Variants in BPIFB1 observed in about 807,000 individuals in gnomAD.
BPIFB1 encodes BPI fold-containing family B member 1.
BPIFB1 carries 34 observed loss-of-function variants against 55.1 expected under a neutral mutation model. That is an observed-to-expected ratio of 0.62 (90% CI 0.47 to 0.82). BPIFB1 has a LOEUF of 0.82. BPIFB1 is among the 40% of genes least tolerant of loss of function. The pLI is 0.00. For missense variants in BPIFB1, 532 were observed against 593.1 expected, an observed-to-expected ratio of 0.90 and a Z score of 1.07; for synonymous variants, 236 against 245.3, an observed-to-expected ratio of 0.96 and a Z score of 0.35.
At position 33,291,023 on chromosome 20, in the gene BPIFB1, C is replaced by T. The variant is rs1980452247; in HGVS notation, c.432C>T (p.Asp144=). 9 of 1,613,842 alleles carry T rather than the reference C, an allele frequency of 5.6e-6. No homozygotes were observed. Among genetic ancestry groups the T allele is most frequent in the Non-Finnish European group, 7.6e-6 (9 of 1,180,044 alleles). ...TTEAQATIRM[D]TSASGPTRLV... ...AGGCCCAAGCCACCATCCGCATGGACACCAGTGCAAGTGGCCCCACCCGCC... is the reference window on the plus strand; with the variant it reads ...AGGCCCAAGCCACCATCCGCATGGATACCAGTGCAAGTGGCCCCACCCGCC... Residue 144 remains aspartate (D), a synonymous_variant, in exon 5 of 16, where the codon GAC becomes GAT. Transcript: ENST00000253354.
At position 33,309,275 on chromosome 20, in the gene BPIFB1, C is replaced by A. The variant is rs1173416111; in HGVS notation, c.1396-433C>A. On this transcript the variant is annotated intron_variant, in intron 15 of 15. Coordinates refer to ENST00000253354, the MANE Select transcript of BPIFB1 (RefSeq NM_033197.3). The surrounding 1 kb of genome is among the most constrained non-coding windows in gnomAD (Gnocchi z 4.4). ...ACTTCAAGAAGGCAGGGGTTTCTGT[C>A]TGCTTTGTTCTCTGTTGTGATCAGT... Among the ~76,000 whole-genome samples, 15 of 152,168 alleles carry A rather than the reference C, an allele frequency of 9.9e-5. No homozygotes were observed. Among genetic ancestry groups the A allele is most frequent in the Admixed American group, 7.2e-4 (11 of 15,276 alleles).
Position 33,306,931 on chromosome 20 carries a change from C to G in BPIFB1, c.1339C>G (p.Pro447Ala), listed in dbSNP as rs1981048329. Residue 447 changes from proline (P) to alanine (A), a missense_variant, in exon 15 of 16, where the codon CCA becomes GCA. By Grantham distance (27) the Pro-to-Ala change is conservative. Transcript: ENST00000253354. Reference protein sequence around the residue: ...NQNGKLRSGVPVSLVKALGFE... With the variant: ...NQNGKLRSGVAVSLVKALGFE... ...TTCAGGCAAATTAAGATCTGGGGTCCCAGTGTCATTGGTGAAGGCCTTGGG... is the reference window on the plus strand; with the variant it reads ...TTCAGGCAAATTAAGATCTGGGGTCGCAGTGTCATTGGTGAAGGCCTTGGG... 6.2e-7 allele frequency: 1 copy of G among 1,614,088 alleles called. No individual in the cohort carries two copies.
At chr20:33,283,820 T>C (rs1980178912) in intron 1 of BPIFB1, among the ~76,000 whole-genome samples, 1 of 151,910 alleles carries the variant, frequency 6.6e-6, no homozygotes, top group Non-Finnish European at 1.5e-5. Flanking sequence ...GGTGCCTGGA[T>C]CTGGGGGAGG....
chr20:33,302,000 C>T (rs966136851), intron 9 of BPIFB1, among the ~76,000 whole-genome samples: 1 of 152,130 alleles, frequency 6.6e-6, no homozygotes, highest in Non-Finnish European at 1.5e-5. Flanking sequence ...GACAGACAAC[C>T]AATAACCAAG....
Position 33,297,502 on chromosome 20 carries a change from G to A in BPIFB1, c.598-23G>A, listed in dbSNP as rs747297380. On this transcript the variant is annotated intron_variant, in intron 6 of 15. Transcript: ENST00000253354. ...TGCATTCTGGCCCCTCCCTGATGGA[G>A]CCCCTTGCTTATGCTGTTGCAGCTG... 15 of 1,614,004 alleles carry A rather than the reference G, an allele frequency of 9.3e-6. 2 individuals are homozygous for A. The highest frequency in any genetic ancestry group is 2.2e-5 in the East Asian group (1 of 44,886).
intron 11 of BPIFB1, 62 bp downstream of exon 11, chr20:33,303,136 G>T: frequency 6.3e-7 from 1 of 1,589,518 alleles, no homozygotes; most frequent in Non-Finnish European, 8.6e-7. Context: ...TACTTTTCCT[G>T]TTCGCCCTCT....
chr20:33,303,223 A>G (rs887606282), intron 11 of BPIFB1, 149 bp downstream of exon 11: 1 of 978,904 alleles, frequency 1.0e-6, no homozygotes, highest in Non-Finnish European at 1.5e-6. Flanking sequence ...AAGAGCCAGG[A>G]GCTTTGTGGG....
At chr20:33,295,322 T>C (rs1370888821) in intron 6 of BPIFB1, among the ~76,000 whole-genome samples, 1 of 150,258 alleles carries the variant, frequency 6.7e-6, no homozygotes, top group African/African-American at 2.5e-5. Context: ...AAAATCTAGC[T>C]AGGCTGGTCG....
At chr20:33,288,670 G>A in intron 2 of BPIFB1, 71 bp from the exon 3 acceptor site, 1 of 1,566,304 alleles carries the variant, frequency 6.4e-7, no homozygotes. Flanking sequence ...CCCCTCCCCA[G>A]CCTGGAGCTC....
In BPIFB1 at chr20:33,302,377, C is replaced by A. The variant is rs952016082; in HGVS notation, c.946C>A (p.Arg316=). 1.6e-5 allele frequency: 26 copies of A among 1,613,790 alleles called. No individual in the cohort carries two copies. Among genetic ancestry groups the A allele is most frequent in the African/African-American group, 2.7e-5 (2 of 74,848 alleles). ...LDSVLPESAH[R]LKSSIGLINE... ...CCCTCAGCTTCCTGAGAGTGCCCAT[C>A]GGCTGAAGTCAAGCATCGGGCTGAT... The change falls in exon 10 of 16, where the codon CGG becomes AGG. Residue 316 remains arginine (R), a synonymous_variant. Transcript: ENST00000253354.
chr20:33,302,999 C>T lies in BPIFB1; in HGVS notation c.1065C>T (p.Ala355=), dbSNP rs1357036360. The T allele has an allele frequency of 1.2e-6, 2 of 1,614,156 alleles. No individual in the cohort carries two copies. Among genetic ancestry groups the T allele is most frequent in the South Asian group, 1.1e-5 (1 of 91,092 alleles). ...TPEFFIDQGH[A]KVAQLIVLEV... ...AGTTTTTTATAGACCAAGGCCATGC[C>T]AAGGTGGCCCAACTGATCGTGCTGG... Residue 355 remains alanine (A), a synonymous_variant, in exon 11 of 16, where the codon GCC becomes GCT. Transcript: ENST00000253354.
chr20:33,285,557 C>CAA (rs368094335), intron 1 of BPIFB1, among the ~76,000 whole-genome samples: 1 of 143,212 alleles, frequency 7.0e-6, no homozygotes, highest in African/African-American at 2.6e-5. Flanking sequence ...ACTAAAAATA[C>CAA]AAAAAAAAAA....
chr20:33,284,157 G>T (rs1374671032), intron 1 of BPIFB1, among the ~76,000 whole-genome samples: 3 of 152,154 alleles, frequency 2.0e-5, no homozygotes, highest in African/African-American at 7.2e-5. Context: ...TTCCCAAAAA[G>T]CCTATGACAT....
At chr20:33,306,825 G>A in intron 14 of BPIFB1, 86 bp from the exon 15 acceptor site, 1 of 1,128,982 alleles carries the variant, frequency 8.9e-7, no homozygotes, top group Non-Finnish European at 1.4e-6. Context: ...CCAGGCCGGG[G>A]CTCCCCTTCA....
In BPIFB1 at chr20:33,289,798, C is replaced by T. The variant is rs937431559; in HGVS notation, c.258-87C>T. The T allele has an allele frequency of 3.9e-5, 51 of 1,296,620 alleles. No individual in the cohort carries two copies. The Middle Eastern group carries it at 7.4e-4, about 19-fold the overall frequency. The allele number at this position is 1,296,620 out of a possible 1,614,324, so 80.3% of individuals were successfully genotyped here. Reference sequence around the variant, plus strand: ...AGGGTCCCGCTGCTGCCTAGGCACCCCAGGGAGATGGAAAAGATAGAGAGG... The same window carrying T: ...AGGGTCCCGCTGCTGCCTAGGCACCTCAGGGAGATGGAAAAGATAGAGAGG... On this transcript the variant is annotated intron_variant, in intron 3 of 15. Coordinates refer to ENST00000253354, the MANE Select transcript of BPIFB1 (RefSeq NM_033197.3).
At chr20:33,283,993 A>G (rs1371956067) in intron 1 of BPIFB1, among the ~76,000 whole-genome samples, 2 of 152,156 alleles carry the variant, frequency 1.3e-5, no homozygotes, top group Admixed American at 6.5e-5. Flanking sequence ...GGGTGCCTGG[A>G]TGCCGGGGTT....
intron 11 of BPIFB1, among the ~76,000 whole-genome samples, 188 bp from the exon 12 acceptor site, chr20:33,303,770 A>C (rs780826578): frequency 1.3e-5 from 2 of 152,106 alleles, no homozygotes; most frequent in Non-Finnish European, 2.9e-5. Context: ...CATCTGTTAA[A>C]TGGGGAGTGG....
Position 33,291,912 on chromosome 20 carries a change from C to G in BPIFB1, c.521C>G (p.Ser174Cys). 3 of 1,614,170 alleles carry G rather than the reference C, an allele frequency of 1.9e-6. No homozygotes were observed. The South Asian group carries it at 3.3e-5, about 18-fold the overall frequency. Reference sequence around the variant, plus strand: ...CGTGCTCTCTTCCCTGAAAGGCTCTCCTTCCTGGTGAACGCCTTAGCTAAG... The same window carrying G: ...CGTGCTCTCTTCCCTGAAAGGCTCTGCTTCCTGGTGAACGCCTTAGCTAAG... ...SLRIQLLHKLSFLVNALAKQV... is the reference protein window; with the variant it reads ...SLRIQLLHKLCFLVNALAKQV... Residue 174 changes from serine to cysteine, a missense_variant, in exon 6 of 16, where the codon TCC becomes TGC. Physicochemically the swap from Ser to Cys is moderately radical, Grantham distance 112. Transcript: ENST00000253354.
chr20:33,303,864 C>A, intron 11 of BPIFB1, 94 bp from the exon 12 acceptor site: 1 of 1,280,482 alleles, frequency 7.8e-7, no homozygotes, highest in Non-Finnish European at 1.1e-6. Flanking sequence ...GAGCCAGGAA[C>A]TGAGATTCAG....
Sources: gnomAD v4.1 joint callset for allele counts (sites outside exome capture counted in the v4.1 genomes callset) on GRCh38, gnomAD v4.1.1 for gene constraint, Gnocchi (gnomAD v3.1) non-coding constraint, MANE v1.5 for transcripts, NCBI Gene and HGNC (gene_info 2026-07-23, HGNC 2026-07-21) for gene names.